Variants in PIK3CB observed in about 807,000 individuals in gnomAD.
PIK3CB encodes the protein phosphatidylinositol 4,5-bisphosphate 3-kinase catalytic subunit beta isoform.
PIK3CB carries 39 observed loss-of-function variants against 136.8 expected under a neutral mutation model. That is an observed-to-expected ratio of 0.29 (90% confidence interval 0.22 to 0.37). The LOEUF (loss-of-function observed/expected upper bound fraction) is 0.37. PIK3CB is among the 10% of genes least tolerant of loss of function. The probability of loss-of-function intolerance (pLI) is 1.00; values close to 1 mark genes in which losing one functional copy is unlikely to be tolerated. For missense variants in PIK3CB, 868 were observed against 1,275.4 expected (o/e 0.68, Z 4.87); for synonymous variants, 428 against 436.6 (o/e 0.98, Z 0.25).
chr3:138,812,126 C>A (rs1465840840), intron 1 of PIK3CB, among the ~76,000 whole-genome samples: 1 of 151,756 alleles, frequency 6.6e-6, no homozygotes, highest in Non-Finnish European at 1.5e-5. Flanking sequence ...TAGATGATTT[C>A]ATTTATATAA....
At chr3:138,783,397 T>C (rs1275002703) in intron 2 of PIK3CB, among the ~76,000 whole-genome samples, 1 of 152,006 alleles carries the variant, frequency 6.6e-6, no homozygotes, top group Non-Finnish European at 1.5e-5. Flanking sequence ...TCCTCCTATC[T>C]CAGCCTCTCA....
At chr3:138,810,494 G>A (rs888172959) in intron 1 of PIK3CB, among the ~76,000 whole-genome samples, 1 of 151,346 alleles carries the variant, frequency 6.6e-6, no homozygotes, top group Non-Finnish European at 1.5e-5. Context: ...CTTTACTTCC[G>A]TGGTCTTCCT....
At chr3:138,746,108 T>C (rs2045350013) in intron 4 of PIK3CB, among the ~76,000 whole-genome samples, 1 of 151,530 alleles carries the variant, frequency 6.6e-6, no homozygotes, top group Non-Finnish European at 1.5e-5. Flanking sequence ...TAGCTGGGCA[T>C]GGTGGTGCAT....
intron 21 of PIK3CB, among the ~76,000 whole-genome samples, chr3:138,658,346 G>C (rs550610009): frequency 1.3e-5 from 2 of 151,992 alleles, no homozygotes; most frequent in South Asian, 4.2e-4. Flanking sequence ...GCTACTCAGG[G>C]GGGTGAGGTG....
intron 4 of PIK3CB, among the ~76,000 whole-genome samples, chr3:138,746,569 G>A (rs533033732): frequency 7.1e-4 from 108 of 152,150 alleles, no homozygotes; most frequent in African/African-American, 1.6e-3. Flanking sequence ...GCTGAGGCAG[G>A]AGAATGGCAT....
At position 138,714,783 on chromosome 3, in the gene PIK3CB, TTTTGTTTG is replaced by T. The variant is rs767824054; in HGVS notation, c.1051-72_1051-65del. 30 of 1,370,524 alleles carry T rather than the reference TTTTGTTTG, an allele frequency of 2.2e-5. No homozygotes were observed. The South Asian group carries it at 3.3e-4, about 15-fold the overall frequency. The allele number at this position is 1,370,524 out of a possible 1,614,324, so 84.9% of individuals were successfully genotyped here. On this transcript the variant is annotated intron_variant, in intron 8 of 23. Coordinates refer to ENST00000674063, the MANE Select transcript of PIK3CB (RefSeq NM_006219.3). Reference sequence around the variant, plus strand: ...ATACTGTACCACGAAAAACATCTCTTTTTGTTTGTTTGTTTGTTTCTACACTAAAAACA... The same window carrying T: ...ATACTGTACCACGAAAAACATCTCTTTTTGTTTGTTTCTACACTAAAAACA...
At chr3:138,727,653 G>A (rs2044869218) in intron 8 of PIK3CB, among the ~76,000 whole-genome samples, 1 of 152,184 alleles carries the variant, frequency 6.6e-6, no homozygotes, top group African/African-American at 2.4e-5. Context: ...GAGCTAGTAA[G>A]TAAATGTTGT....
intron 2 of PIK3CB, among the ~76,000 whole-genome samples, chr3:138,778,970 C>T (rs1356962632): frequency 1.3e-5 from 2 of 151,480 alleles, no homozygotes; most frequent in Non-Finnish European, 2.9e-5. Context: ...GCCTAGAAAG[C>T]TCCACTTTGT....
intron 3 of PIK3CB, among the ~76,000 whole-genome samples, chr3:138,757,974 G>C (rs2045603757): frequency 6.6e-6 from 1 of 152,108 alleles, no homozygotes; most frequent in Admixed American, 6.5e-5. Flanking sequence ...GCTCAGAGTA[G>C]CATAATATTC....
chr3:138,734,952 ATTT>A (rs1200519804), intron 6 of PIK3CB, 148 bp from the exon 7 acceptor site: 179 of 183,770 alleles, frequency 9.7e-4, no homozygotes, highest in Non-Finnish European at 1.2e-3. Context: ...AAAAAAAAAA[ATTT>A]TTTTTTTTTT....
rs575195595 is a variant in PIK3CB at position 138,718,227 on chromosome 3, G to A, written c.1051-3508C>T. Among the ~76,000 whole-genome samples the A allele has an allele frequency of 1.9e-4, 29 of 152,232 alleles. No homozygotes were observed. The East Asian group carries it at 4.6e-3, about 24-fold the overall frequency. On this transcript the variant is annotated intron_variant, in intron 8 of 23. Coordinates refer to ENST00000674063, the MANE Select transcript of PIK3CB (RefSeq NM_006219.3). Reference sequence around the variant, plus strand: ...CTTTTTAACAATAGCCATTGCGACTGGTGTGAGATGGTATCTCATTGTGGT... The same window carrying A: ...CTTTTTAACAATAGCCATTGCGACTAGTGTGAGATGGTATCTCATTGTGGT...
intron 19 of PIK3CB, 105 bp from the exon 20 acceptor site, chr3:138,665,308 TATACTTGCCATTACTATATTATTGTC>T: frequency 1.3e-6 from 1 of 759,938 alleles, no homozygotes; most frequent in Non-Finnish European, 2.0e-6. Flanking sequence ...TTATTATTGA[TATACTTGCCATTACTATATTATTGTC>T]ATATGGAAAA....
intron 19 of PIK3CB, among the ~76,000 whole-genome samples, chr3:138,678,812 A>T (rs2043701965): frequency 6.6e-6 from 1 of 152,180 alleles, no homozygotes; most frequent in African/African-American, 2.4e-5. Context: ...AAAAGAAATC[A>T]AACCTTGTAT....
At chr3:138,695,077 T>C (rs1203192307) in intron 13 of PIK3CB, among the ~76,000 whole-genome samples, 170 bp from the exon 14 acceptor site, 2 of 152,244 alleles carry the variant, frequency 1.3e-5, no homozygotes, top group Non-Finnish European at 2.9e-5. Flanking sequence ...ATTGTCTTTG[T>C]TGTTGAAACA....
At chr3:138,681,516 G>A (rs1412116334) in intron 19 of PIK3CB, among the ~76,000 whole-genome samples, 1 of 151,830 alleles carries the variant, frequency 6.6e-6, no homozygotes, top group African/African-American at 2.4e-5. Flanking sequence ...AACCTCTTCC[G>A]CTCACTATCT....
chr3:138,731,509 T>A (rs2044972723), intron 8 of PIK3CB, among the ~76,000 whole-genome samples: 1 of 151,772 alleles, frequency 6.6e-6, no homozygotes, highest in Non-Finnish European at 1.5e-5. Flanking sequence ...CGCCTTGGCC[T>A]CCCAAAGTGC....
chr3:138,686,950 T>C (rs771794445), intron 16 of PIK3CB, among the ~76,000 whole-genome samples: 12 of 152,112 alleles, frequency 7.9e-5, no homozygotes, highest in Non-Finnish European at 1.5e-4. Context: ...GTACAAACAC[T>C]GGTGACAAGG....
intron 8 of PIK3CB, among the ~76,000 whole-genome samples, chr3:138,723,853 G>T (rs1287178392): frequency 6.6e-6 from 1 of 151,770 alleles, no homozygotes; most frequent in Non-Finnish European, 1.5e-5. Context: ...CTACATTTTT[G>T]CCCTTAGATA....
intron 8 of PIK3CB, among the ~76,000 whole-genome samples, chr3:138,717,004 C>T (rs1311264149): frequency 6.6e-6 from 1 of 150,674 alleles, no homozygotes. Flanking sequence ...GCCTGTAATC[C>T]CAGCACTTTG....
Sources: allele counts gnomAD v4.1 joint callset (sites outside exome capture counted in the v4.1 genomes callset), GRCh38; gene constraint gnomAD v4.1.1; transcripts MANE v1.5; gene names NCBI Gene and HGNC (gene_info 2026-07-23, HGNC 2026-07-21).